Variants in MBD5 observed in about 807,000 individuals in gnomAD.
MBD5 encodes methyl-CpG binding domain protein 5.
Under a neutral mutation model 117.3 loss-of-function variants are expected in MBD5, and 13 were observed. The ratio of observed to expected loss-of-function variants is 0.11; its 90% confidence interval spans 0.07 to 0.18. The LOEUF is 0.18. Ranked by LOEUF, MBD5 falls within the 10% of genes least tolerant of loss-of-function variation. The pLI, the probability that MBD5 is intolerant of heterozygous loss-of-function variation, is 1.00. For missense variants in MBD5, 1,879 were observed against 2,093.8 expected (o/e 0.90, Z 2.00); for synonymous variants, 727 against 766.4 (o/e 0.95, Z 0.85).
At position 148,449,275 on chromosome 2, in the gene MBD5, C is replaced by T. The variant is rs551564244; in HGVS notation, c.-556-8928C>T. The stretch of plus-strand genomic sequence containing the variant: ...CACATGCATATAGACCTTCACTTCC[C>T]ACCTCCTTATGTATTTTCAAAGGCA... On this transcript the variant is annotated intron_variant, in intron 4 of 13. Transcript: ENST00000642680. Among the ~76,000 whole-genome samples the T allele has an allele frequency of 7.9e-5, 12 of 152,050 alleles. No individual in the cohort carries two copies. The South Asian group carries it at 2.5e-3, about 32-fold the overall frequency.
At chr2:148,386,331 T>G (rs1344567228) in intron 4 of MBD5, among the ~76,000 whole-genome samples, 1 of 152,102 alleles carries the variant, frequency 6.6e-6, no homozygotes, top group African/African-American at 2.4e-5. Context: ...GGAAGTTTAA[T>G]TAGTTAAAAA....
chr2:148,098,932 G>A (rs1696134906), intron 1 of MBD5, among the ~76,000 whole-genome samples: 1 of 152,106 alleles, frequency 6.6e-6, no homozygotes, highest in Non-Finnish European at 1.5e-5. Context: ...GGACACACCT[G>A]TGGTCCTAGG....
chr2:148,038,598 G>T (rs1694264364), intron 1 of MBD5, among the ~76,000 whole-genome samples: 1 of 150,382 alleles, frequency 6.6e-6, no homozygotes, highest in Non-Finnish European at 1.5e-5. Flanking sequence ...TCCTGGGATG[G>T]TTTTGATGTA....
At chr2:148,307,883 C>CGT (rs1701931662) in intron 3 of MBD5, among the ~76,000 whole-genome samples, 1 of 138,848 alleles carries the variant, frequency 7.2e-6, no homozygotes, top group Non-Finnish European at 1.6e-5. Context: ...TAAGTGAGAA[C>CGT]ATGTGGTGTT....
chr2:148,350,624 T>G (rs1476216917), intron 4 of MBD5, among the ~76,000 whole-genome samples: 1 of 152,022 alleles, frequency 6.6e-6, no homozygotes, highest in Non-Finnish European at 1.5e-5. Flanking sequence ...AACCAGGGGA[T>G]AAGCTAGAGT....
chr2:148,294,196 G>GTTTTTTTTT (rs60942822), intron 3 of MBD5, among the ~76,000 whole-genome samples: 12 of 127,172 alleles, frequency 9.4e-5, no homozygotes, highest in African/African-American at 3.3e-4. Context: ...CCAGAATGAA[G>GTTTTTTTTT]TTTTTTTTTT....
At chr2:148,392,843 G>A (rs1674851936) in intron 4 of MBD5, among the ~76,000 whole-genome samples, 1 of 152,022 alleles carries the variant, frequency 6.6e-6, no homozygotes, top group Non-Finnish European at 1.5e-5. Context: ...AGTGAGCTTA[G>A]GAATTATTTT....
chr2:148,294,201 T>G (rs1238858340), intron 3 of MBD5, among the ~76,000 whole-genome samples: 23 of 494 alleles, frequency 0.047, no homozygotes, highest in African/African-American at 0.053. Flanking sequence ...ATGAAGTTTT[T>G]TTTTTTTTTT....
At chr2:148,210,232 C>T (rs1194984118) in intron 2 of MBD5, among the ~76,000 whole-genome samples, 1 of 152,136 alleles carries the variant, frequency 6.6e-6, no homozygotes, top group African/African-American at 2.4e-5. Flanking sequence ...ATAAGACTTA[C>T]AGGCTGATTT....
intron 11 of MBD5, among the ~76,000 whole-genome samples, chr2:148,494,819 C>A (rs185110795): frequency 1.3e-5 from 2 of 152,148 alleles, no homozygotes; most frequent in Admixed American, 1.3e-4. Context: ...AAGAATTAGC[C>A]GGGGGTGGTG....
At chr2:148,373,373 A>G (rs948015489) in intron 4 of MBD5, among the ~76,000 whole-genome samples, 3 of 152,150 alleles carry the variant, frequency 2.0e-5, no homozygotes, top group Non-Finnish European at 2.9e-5. Flanking sequence ...TAACCAGATA[A>G]TGACCTAACA....
At chr2:148,468,199 A>G in intron 7 of MBD5, 142 bp from the exon 8 acceptor site, 1 of 680,938 alleles carries the variant, frequency 1.5e-6, no homozygotes. Context: ...AATTGCATAG[A>G]ATCACAGCTT....
In MBD5 at chr2:148,213,855, C is replaced by G. The variant is rs1356484013; in HGVS notation, c.-830-19390C>G. 2.0e-5 allele frequency among the ~76,000 whole-genome samples: 3 copies of G among 151,446 alleles called. No individual in the cohort carries two copies. In the South Asian group the frequency reaches 6.2e-4, roughly 32 times the overall value. The stretch of plus-strand genomic sequence containing the variant: ...ACCAACTGTTTTTTTTTTATTCTGT[C>G]TTTAGCCAGCAATCTGTGAGTCAGT... On this transcript the variant is annotated intron_variant, in intron 2 of 13. Coordinates refer to ENST00000642680, the MANE Select transcript of MBD5 (RefSeq NM_001378120.1).
At chr2:148,238,760 T>A (rs1001997999) in intron 3 of MBD5, among the ~76,000 whole-genome samples, 2 of 152,158 alleles carry the variant, frequency 1.3e-5, no homozygotes, top group African/African-American at 4.8e-5. Context: ...ATTCCATGGC[T>A]TGTAGACATA....
At chr2:148,259,659 A>G (rs1700684696) in intron 3 of MBD5, among the ~76,000 whole-genome samples, 1 of 152,184 alleles carries the variant, frequency 6.6e-6, no homozygotes, top group East Asian at 1.9e-4. Flanking sequence ...TCTGGGTGCA[A>G]GTGAGCCATA....
At chr2:148,320,659 T>C (rs545288250) in intron 3 of MBD5, among the ~76,000 whole-genome samples, 1 of 152,288 alleles carries the variant, frequency 6.6e-6, no homozygotes, top group South Asian at 2.1e-4. Context: ...CCCAGCCCTG[T>C]TGGGACATTT....
intron 1 of MBD5, among the ~76,000 whole-genome samples, chr2:148,149,327 T>C (rs1697569415): frequency 7.4e-6 from 1 of 135,136 alleles, no homozygotes; most frequent in Non-Finnish European, 1.6e-5. Flanking sequence ...ATTTTCTTAA[T>C]CCAGTCTATC....
chr2:148,144,357 A>G (rs1323072866), intron 1 of MBD5, among the ~76,000 whole-genome samples: 2 of 152,138 alleles, frequency 1.3e-5, no homozygotes, highest in Admixed American at 1.3e-4. Flanking sequence ...GCCCTTTGTC[A>G]GATGAGTAGA....
intron 3 of MBD5, among the ~76,000 whole-genome samples, chr2:148,287,888 T>G (rs1701400748): frequency 6.6e-6 from 1 of 152,172 alleles, no homozygotes; most frequent in South Asian, 2.1e-4. Flanking sequence ...TCAACGTTGT[T>G]GCTTTGGGGA....
Sources: gnomAD v4.1 joint callset for allele counts (sites outside exome capture counted in the v4.1 genomes callset) on GRCh38, gnomAD v4.1.1 for gene constraint, MANE v1.5 for transcripts, NCBI Gene and HGNC (gene_info 2026-07-23, HGNC 2026-07-21) for gene names.